Variants in USP44 observed in about 807,000 individuals in gnomAD.
USP44 encodes the protein ubiquitin carboxyl-terminal hydrolase 44.
A neutral mutation model predicts 69.0 loss-of-function variants in USP44; 61 were observed. That is an observed-to-expected ratio of 0.88 (90% CI 0.72 to 1.09). The LOEUF (loss-of-function observed/expected upper bound fraction) is 1.09, where lower values mean the gene tolerates loss of function less well. Ranked by LOEUF, USP44 falls within the 50% of genes least tolerant of loss-of-function variation. The pLI is 0.00. For missense variants in USP44, 753 were observed against 849.9 expected (o/e 0.89, Z 1.42); for synonymous variants, 297 against 295.4 (o/e 1.01, Z -0.06).
chr12:95,534,294 G>T lies in USP44; in HGVS notation c.-38C>A. 6.4e-7 allele frequency: 1 copy of T among 1,559,676 alleles called. No homozygotes were observed. Among genetic ancestry groups the T allele is most frequent in the East Asian group, 2.3e-5 (1 of 44,320 alleles). ...GCTGAGAAATGCATAATCCAAACAA[G>T]TCTCTGTTCACAACACTTGAAGCAT... On this transcript the variant is annotated 5_prime_UTR_variant, in exon 2 of 6. Coordinates refer to ENST00000258499, the MANE Select transcript of USP44 (RefSeq NM_032147.5).
Position 95,528,660 on chromosome 12 carries a change from A to G in USP44, c.1624+147T>C, listed in dbSNP as rs2076926775. ...ACAAATGCATAGTTCATAAATGCCA[A>G]TTATAAAGTGAAAACGTCTGTTTCT... On this transcript the variant is annotated intron_variant, in intron 3 of 5. Coordinates refer to ENST00000258499, the MANE Select transcript of USP44 (RefSeq NM_032147.5). 4 of 771,084 alleles carry G rather than the reference A, an allele frequency of 5.2e-6. No individual in the cohort carries two copies. In the African/African-American group the frequency reaches 5.3e-5, roughly 10 times the overall value. 47.8% of individuals were successfully genotyped at this position (771,084 alleles called of 1,614,324 possible). A position where few individuals can be genotyped will look rare whatever the true frequency, so the allele number is the denominator to read the frequency against.
At chr12:95,520,696 C>T (rs761223131) in intron 5 of USP44, among the ~76,000 whole-genome samples, 2 of 152,148 alleles carry the variant, frequency 1.3e-5, no homozygotes, top group Non-Finnish European at 2.9e-5. Context: ...AACCAGTAAA[C>T]ATACGATCTG....
intron 1 of USP44, among the ~76,000 whole-genome samples, chr12:95,535,958 C>T (rs994961219): frequency 2.0e-5 from 3 of 151,472 alleles, no homozygotes; most frequent in African/African-American, 4.9e-5. Flanking sequence ...ATCTCATATT[C>T]GTTCCTTAAT....
chr12:95,518,200 T>C lies in USP44; in HGVS notation c.2093A>G (p.His698Arg), dbSNP rs959279053. ...LPPELLLGSQ[H>R]PNEDADTSSN... ...CGAGGTATCAGCGTCTTCATTGGGA[T>C]GTTGGCTCCCCAACAGGAGCTCTGG... The change falls in exon 6 of 6, where the codon CAT (histidine) becomes CGT (arginine). Residue 698 changes from histidine (H) to arginine (R), a missense_variant. By Grantham distance (29) the His-to-Arg change is conservative. Transcript: ENST00000258499. The C allele has an allele frequency of 6.8e-6, 11 of 1,614,074 alleles. No individual in the cohort carries two copies. Among genetic ancestry groups the C allele is most frequent in the Non-Finnish European group, 8.5e-6 (10 of 1,180,042 alleles).
chr12:95,530,324 C>T (rs534718074), intron 2 of USP44, among the ~76,000 whole-genome samples: 3 of 152,206 alleles, frequency 2.0e-5, no homozygotes, highest in South Asian at 2.1e-4. Flanking sequence ...CAAAAACACA[C>T]AAAAAGCCAT....
Position 95,533,953 on chromosome 12 carries a change from A to C in USP44, c.304T>G (p.Leu102Val). The C allele has an allele frequency of 6.2e-7, 1 of 1,614,174 alleles. No homozygotes were observed. Among genetic ancestry groups the C allele is most frequent in the Admixed American group, 1.7e-5 (1 of 60,018 alleles). ...TAATTTTGACTTTTGATGGCACTTA[A>C]TGTACGTCGTAGTAACTTCAGGTCT... ...TGDLKLLRRT[L>V]SAIKSQNYHC... is the part of the protein sequence containing the mutation. Residue 102 changes from leucine to valine, a missense_variant, in exon 2 of 6, where the codon TTA becomes GTA. Physicochemically the swap from Leu to Val is conservative, Grantham distance 32. Coordinates refer to ENST00000258499, the MANE Select transcript of USP44 (RefSeq NM_032147.5).
chr12:95,526,422 A>C (rs971450971), intron 3 of USP44, among the ~76,000 whole-genome samples: 8 of 152,158 alleles, frequency 5.3e-5, no homozygotes, highest in Non-Finnish European at 1.5e-5. Flanking sequence ...AATACAAAAA[A>C]TTAGCCAGGC....
intron 4 of USP44, among the ~76,000 whole-genome samples, chr12:95,521,566 A>G (rs1167407645): frequency 1.3e-5 from 2 of 152,116 alleles, no homozygotes. Flanking sequence ...CAGTGGTGCG[A>G]TCTTGGCTTA....
In USP44 at chr12:95,521,115, C is replaced by T. The variant is rs748828512; in HGVS notation, c.1821G>A (p.Glu607=). The change falls in exon 5 of 6, where the codon GAG becomes GAA. Residue 607 remains glutamate, a synonymous_variant. Coordinates refer to ENST00000258499, the MANE Select transcript of USP44 (RefSeq NM_032147.5). The stretch of plus-strand genomic sequence containing the variant: ...ATTCTGGTCTGAGGGATTTCAGGGT[C>T]TCCCTGCAGCAATAGGGCTCCATGT... ...ILNMEPYCCR[E]TLKSLRPECF... is the part of the protein sequence containing the mutation. 3 of 1,614,210 alleles carry T rather than the reference C, an allele frequency of 1.9e-6. No homozygotes were observed. The highest frequency in any genetic ancestry group is 1.7e-6 in the Non-Finnish European group (2 of 1,180,046).
chr12:95,528,969 T>C lies in USP44; in HGVS notation c.1462A>G (p.Thr488Ala). 2 of 1,611,716 alleles carry C rather than the reference T, an allele frequency of 1.2e-6. No individual in the cohort carries two copies. Among genetic ancestry groups the C allele is most frequent in the South Asian group, 1.1e-5 (1 of 90,386 alleles). The change falls in exon 3 of 6, where the codon ACC (threonine) becomes GCC (alanine). Residue 488 changes from threonine (T) to alanine (A), a missense_variant. Thr to Ala is a moderately conservative substitution (Grantham distance 58). Transcript: ENST00000258499. ...TCLACDNKSN[T>A]IEPFWDLSLE... ...GACAAGTCCCAGAAAGGTTCTATGG[T>C]ATTTGATTTGTTGTCACATGCAAGA...
intron 4 of USP44, among the ~76,000 whole-genome samples, chr12:95,523,196 T>C (rs986346491): frequency 3.3e-5 from 5 of 151,952 alleles, no homozygotes; most frequent in African/African-American, 1.2e-4. Flanking sequence ...AACACAAAGG[T>C]TTCCCTGAGT....
intron 1 of USP44, among the ~76,000 whole-genome samples, chr12:95,536,588 T>C (rs1369087037): frequency 6.6e-6 from 1 of 152,030 alleles, no homozygotes; most frequent in Non-Finnish European, 1.5e-5. Flanking sequence ...TCAGGAAAAA[T>C]GATTGACTCT....
Position 95,532,833 on chromosome 12 carries a change from C to T in USP44, c.1424G>A (p.Ser475Asn). The change falls in exon 2 of 6, where the codon AGT (serine) becomes AAT (asparagine). Residue 475 changes from serine to asparagine, a missense_variant. Coordinates refer to ENST00000258499, the MANE Select transcript of USP44 (RefSeq NM_032147.5). ...AAGATTCTTAAAAATCCATACCTGA[C>T]TAAGAAGTTGTCCATGAAAAATGTT... is the stretch of plus-strand genomic sequence containing the variant. ...VNNIFHGQLL[S>N]QVTCLACDNK... 2 of 1,577,554 alleles carry T rather than the reference C, an allele frequency of 1.3e-6. No individual in the cohort carries two copies. Among genetic ancestry groups the T allele is most frequent in the African/African-American group, 1.4e-5 (1 of 73,178 alleles).
intron 1 of USP44, among the ~76,000 whole-genome samples, chr12:95,534,946 G>A (rs2077152888): frequency 6.6e-6 from 1 of 152,196 alleles, no homozygotes; most frequent in Admixed American, 6.5e-5. Context: ...CTCCCAAAGT[G>A]CTGGGATTAC....
chr12:95,533,101 GCA>G lies in USP44; in HGVS notation c.1154_1155del (p.Leu385SerfsTer45), dbSNP rs1369944619. On this transcript the variant is annotated frameshift_variant, in exon 2 of 6. Coordinates refer to ENST00000258499, the MANE Select transcript of USP44 (RefSeq NM_032147.5). LOFTEE classifies it high-confidence loss of function. ...TSQYISLCHE[L>X]HTLFQVMWSG... ...GACCACATGACTTGGAACAAAGTAT[GCA>G]ATTCATGACAAAGAGAAATGTACTG... is the stretch of plus-strand genomic sequence containing the variant. 2.5e-6 allele frequency: 4 copies of G among 1,614,096 alleles called. No individual in the cohort carries two copies. The highest frequency in any genetic ancestry group is 3.4e-6 in the Non-Finnish European group (4 of 1,180,046).
rs2077635558 is a variant in USP44 at position 95,548,180 on chromosome 12, G to A, written c.-71+3092C>T. On this transcript the variant is annotated intron_variant, in intron 1 of 5. Transcript: ENST00000258499. The surrounding 1 kb of genome is among the most constrained non-coding windows in gnomAD (Gnocchi z 4.1). ...GGACCGATCGATGGAGAGAAGGCGG[G>A]CAAGACGCCGGGAAGCGCATTCCTC... 1.3e-5 allele frequency: 2 copies of A among 152,244 alleles called. No individual in the cohort carries two copies. Among genetic ancestry groups the A allele is most frequent in the Non-Finnish European group, 2.9e-5 (2 of 68,088 alleles). The allele number at this position is 152,244 out of a possible 1,614,324, so 9.4% of individuals were successfully genotyped here.
chr12:95,535,739 T>C (rs556104377), intron 1 of USP44, among the ~76,000 whole-genome samples: 1 of 152,310 alleles, frequency 6.6e-6, no homozygotes, highest in Admixed American at 6.5e-5. Flanking sequence ...TTTTCATTGA[T>C]TTAATACAAA....
At chr12:95,532,807 T>C in intron 2 of USP44, 22 bp downstream of exon 2, 2 of 1,541,766 alleles carry the variant, frequency 1.3e-6, no homozygotes, top group Non-Finnish European at 1.7e-6. Flanking sequence ...ATGATGAAAA[T>C]AAGATTCTTA....
In USP44 at chr12:95,533,853, C is replaced by T. The variant is rs749428429; in HGVS notation, c.404G>A (p.Gly135Asp). Residue 135 changes from glycine (G) to aspartate (D), a missense_variant, in exon 2 of 6, where the codon GGT becomes GAT. Physicochemically the swap from Gly to Asp is moderately conservative, Grantham distance 94. Coordinates refer to ENST00000258499, the MANE Select transcript of USP44 (RefSeq NM_032147.5). ...TTCACTTTGAAGCAGAGATTGGGCA[C>T]CGTCATGTAAGAAATAAGAATCATC... is the stretch of plus-strand genomic sequence containing the variant. ...TGDDSYFLHD[G>D]AQSLLQSEDQ... 1.2e-6 allele frequency: 2 copies of T among 1,614,116 alleles called. No homozygotes were observed. Among genetic ancestry groups the T allele is most frequent in the Admixed American group, 1.7e-5 (1 of 60,008 alleles).
Sources: gnomAD v4.1 joint callset for allele counts (sites outside exome capture counted in the v4.1 genomes callset) on GRCh38, gnomAD v4.1.1 for gene constraint, Gnocchi (gnomAD v3.1) non-coding constraint, MANE v1.5 for transcripts, NCBI Gene and HGNC (gene_info 2026-07-23, HGNC 2026-07-21) for gene names.